The following BICRAL variants were observed in gnomAD, a reference collection of about 807,000 sequenced individuals.
BICRAL encodes BICRA like chromatin remodeling complex associated protein.
BICRAL carries 8 observed loss-of-function variants against 91.8 expected under a neutral mutation model. The observed-to-expected ratio is 0.09, with a 90% CI of 0.05 to 0.16. The LOEUF (loss-of-function observed/expected upper bound fraction) is 0.16, where lower values mean the gene tolerates loss of function less well. Among genes scored for constraint, BICRAL ranks in the 10% least tolerant of loss-of-function variants. The pLI is 1.00. For missense variants in BICRAL, 1,038 were observed against 1,310.9 expected (o/e 0.79, Z 3.21); for synonymous variants, 445 against 491.1 (o/e 0.91, Z 1.24).
At chr6:42,770,054 C>A (rs918238573) in intron 1 of BICRAL, among the ~76,000 whole-genome samples, 1 of 152,074 alleles carries the variant, frequency 6.6e-6, no homozygotes, top group African/African-American at 2.4e-5. Context: ...CTGCAAAGCC[C>A]CTCATCATCT....
At chr6:42,768,263 G>A (rs1045629777) in intron 1 of BICRAL, among the ~76,000 whole-genome samples, 1 of 152,206 alleles carries the variant, frequency 6.6e-6, no homozygotes, top group African/African-American at 2.4e-5. Context: ...TCAGCTGGCC[G>A]GAACACTACT....
chr6:42,782,892 C>A (rs1222648104), intron 1 of BICRAL, among the ~76,000 whole-genome samples: 4 of 151,866 alleles, frequency 2.6e-5, no homozygotes, highest in South Asian at 2.1e-4. Flanking sequence ...TGTTTTCCCC[C>A]CCTCGTTTCT....
Position 42,867,953 on chromosome 6 carries a change from C to T in BICRAL, c.*2507C>T, listed in dbSNP as rs1320163043. The T allele has an allele frequency of 6.6e-6, 1 of 152,630 alleles. No individual in the cohort carries two copies. The highest frequency in any genetic ancestry group is 1.5e-5 in the Non-Finnish European group (1 of 68,044). The allele number at this position is 152,630 out of a possible 1,614,324, so 9.5% of individuals were successfully genotyped here. On this transcript the variant is annotated 3_prime_UTR_variant, in exon 13 of 13. Coordinates refer to ENST00000314073, the MANE Select transcript of BICRAL (RefSeq NM_001393499.1). ...CATGGGTCATAACTCGCATGTCGAGCCCCCTCTAGTGAAGGGTAGGAGAGC... is the reference window on the plus strand; with the variant it reads ...CATGGGTCATAACTCGCATGTCGAGTCCCCTCTAGTGAAGGGTAGGAGAGC...
At chr6:42,763,371 C>T (rs1290504222) in intron 1 of BICRAL, among the ~76,000 whole-genome samples, 1 of 152,196 alleles carries the variant, frequency 6.6e-6, no homozygotes, top group Non-Finnish European at 1.5e-5. Flanking sequence ...TATAAATGCT[C>T]ATTCACTGAG....
chr6:42,794,878 T>C (rs993042832), intron 1 of BICRAL, among the ~76,000 whole-genome samples: 2 of 151,360 alleles, frequency 1.3e-5, no homozygotes, highest in Admixed American at 1.3e-4. Context: ...GGAGGATTGC[T>C]TGAACCCGGG....
chr6:42,770,158 T>C (rs1015179903), intron 1 of BICRAL, among the ~76,000 whole-genome samples: 5 of 152,206 alleles, frequency 3.3e-5, no homozygotes, highest in African/African-American at 1.2e-4. Context: ...CCCATGTGAT[T>C]TGGAGAACTC....
At chr6:42,840,168 A>G (rs1764742261) in intron 6 of BICRAL, among the ~76,000 whole-genome samples, 1 of 152,150 alleles carries the variant, frequency 6.6e-6, no homozygotes, top group African/African-American at 2.4e-5. Flanking sequence ...TCCAAATAGG[A>G]TTACAGGCAC....
chr6:42,853,603 C>A (rs1765259964), intron 7 of BICRAL, 35 bp from the exon 8 acceptor site: 4 of 1,500,318 alleles, frequency 2.7e-6, no homozygotes, highest in Non-Finnish European at 3.7e-6. Flanking sequence ...TTTACTGTTT[C>A]TTTTGAACAC....
chr6:42,824,637 A>C (rs1053750079), intron 5 of BICRAL, among the ~76,000 whole-genome samples: 1 of 152,230 alleles, frequency 6.6e-6, no homozygotes, highest in African/African-American at 2.4e-5. Flanking sequence ...CATTCTTTCT[A>C]AAATGACTCA....
intron 1 of BICRAL, among the ~76,000 whole-genome samples, chr6:42,753,674 C>T (rs768896092): frequency 6.6e-6 from 1 of 152,088 alleles, no homozygotes; most frequent in Non-Finnish European, 1.5e-5. Flanking sequence ...TGCGGTGGCA[C>T]GACCTTGGCT....
At chr6:42,831,644 A>G (rs542758169) in intron 6 of BICRAL, among the ~76,000 whole-genome samples, 1 of 151,578 alleles carries the variant, frequency 6.6e-6, no homozygotes, top group Non-Finnish European at 1.5e-5. Flanking sequence ...GCCATACCCT[A>G]CTTTCGACCC....
At chr6:42,761,486 C>T (rs1265976047) in intron 1 of BICRAL, among the ~76,000 whole-genome samples, 2 of 152,294 alleles carry the variant, frequency 1.3e-5, no homozygotes, top group East Asian at 3.9e-4. Context: ...TTGTGCAATA[C>T]TAGCTCTGTG....
chr6:42,772,880 CT>C (rs1233875008), intron 1 of BICRAL, among the ~76,000 whole-genome samples: 3 of 152,124 alleles, frequency 2.0e-5, no homozygotes, highest in Non-Finnish European at 4.4e-5. Flanking sequence ...CAAGGGAAAG[CT>C]TCACCTCCGC....
At chr6:42,775,555 A>G (rs1762795214) in intron 1 of BICRAL, among the ~76,000 whole-genome samples, 1 of 152,216 alleles carries the variant, frequency 6.6e-6, no homozygotes. Flanking sequence ...TTCCAACAGC[A>G]TGTGGTGCCC....
intron 1 of BICRAL, among the ~76,000 whole-genome samples, chr6:42,797,032 G>GAGCC (rs1562466364): frequency 7.5e-5 from 10 of 132,654 alleles, no homozygotes; most frequent in Non-Finnish European, 1.4e-4. Flanking sequence ...CAACAAGAGC[G>GAGCC]AAACTCTGTC....
At chr6:42,795,912 C>CA (rs1292602948) in intron 1 of BICRAL, among the ~76,000 whole-genome samples, 2 of 152,118 alleles carry the variant, frequency 1.3e-5, no homozygotes, top group Non-Finnish European at 2.9e-5. Context: ...TTGGAGGGCA[C>CA]AGGAACACAT....
chr6:42,752,248 T>A (rs1484072753), intron 1 of BICRAL, among the ~76,000 whole-genome samples: 1 of 152,146 alleles, frequency 6.6e-6, no homozygotes, highest in Non-Finnish European at 1.5e-5. Flanking sequence ...CTTCTGAAAC[T>A]TTTTTCATCA....
chr6:42,821,750 G>C (rs187851852), intron 2 of BICRAL, among the ~76,000 whole-genome samples: 1 of 152,102 alleles, frequency 6.6e-6, no homozygotes, highest in Non-Finnish European at 1.5e-5. Flanking sequence ...ATGTGAGGGA[G>C]GTTGCTGCCA....
chr6:42,799,574 G>A (rs1027815447), intron 1 of BICRAL, among the ~76,000 whole-genome samples: 2 of 152,002 alleles, frequency 1.3e-5, no homozygotes, highest in Middle Eastern at 3.2e-3. Context: ...GATTACAGGC[G>A]TGAGCCACTG....
Sources: gnomAD v4.1 joint callset for allele counts (sites outside exome capture counted in the v4.1 genomes callset) on GRCh38, gnomAD v4.1.1 for gene constraint, MANE v1.5 for transcripts, NCBI Gene and HGNC (gene_info 2026-07-23, HGNC 2026-07-21) for gene names.